The following DACH1 variants were observed in gnomAD, a reference collection of about 807,000 sequenced individuals.
The protein encoded by DACH1 is dachshund family transcription factor 1.
Under a neutral mutation model 54.2 loss-of-function variants are expected in DACH1, and 12 were observed. The ratio of observed to expected loss-of-function variants is 0.22; its 90% CI spans 0.14 to 0.36. DACH1 has a LOEUF of 0.36. Among genes scored for constraint, DACH1 ranks in the 10% least tolerant of loss-of-function variants. The pLI, the probability that DACH1 is intolerant of heterozygous loss-of-function variation, is 1.00. For missense variants in DACH1, 805 were observed against 929.8 expected (o/e 0.87, Z 1.75); for synonymous variants, 386 against 366.2 (o/e 1.05, Z -0.62).
chr13:71,602,387 C>T (rs1488266563), intron 3 of DACH1, among the ~76,000 whole-genome samples: 2 of 151,840 alleles, frequency 1.3e-5, no homozygotes, highest in Admixed American at 1.3e-4. Flanking sequence ...ATTTTAACTG[C>T]CTCCTTTTTT....
At chr13:71,442,688 TG>T (rs1439489366) in intron 10 of DACH1, among the ~76,000 whole-genome samples, 1 of 152,084 alleles carries the variant, frequency 6.6e-6, no homozygotes, top group African/African-American at 2.4e-5. Flanking sequence ...ATGTATACTA[TG>T]TTTTTTTTTG....
intron 1 of DACH1, among the ~76,000 whole-genome samples, chr13:71,778,069 G>A (rs575767094): frequency 4.6e-5 from 7 of 150,868 alleles, no homozygotes; most frequent in African/African-American, 1.7e-4. Flanking sequence ...TCCAGCTTAG[G>A]CGACAGAGTG....
At chr13:71,755,783 C>G (rs919423370) in intron 1 of DACH1, among the ~76,000 whole-genome samples, 2 of 152,152 alleles carry the variant, frequency 1.3e-5, no homozygotes, top group Non-Finnish European at 2.9e-5. Context: ...CTTGCCTACT[C>G]TCTTCCTTTC....
chr13:71,632,470 C>T (rs945405233), intron 2 of DACH1, among the ~76,000 whole-genome samples: 5 of 148,612 alleles, frequency 3.4e-5, no homozygotes, highest in Admixed American at 1.4e-4. Flanking sequence ...GACTACAGTG[C>T]TCCAGCCGTT....
At chr13:71,671,663 C>T (rs1012827121) in intron 2 of DACH1, among the ~76,000 whole-genome samples, 1 of 151,914 alleles carries the variant, frequency 6.6e-6, no homozygotes, top group African/African-American at 2.4e-5. Context: ...TGATGGTTAG[C>T]GAGGGAGAAT....
chr13:71,534,890 A>C (rs1471302972), intron 6 of DACH1, among the ~76,000 whole-genome samples: 1 of 151,784 alleles, frequency 6.6e-6, no homozygotes, highest in South Asian at 2.1e-4. Context: ...GTCCTTGTTT[A>C]TAAGAGCTAA....
At chr13:71,608,588 T>C (rs894684010) in intron 3 of DACH1, among the ~76,000 whole-genome samples, 3 of 152,102 alleles carry the variant, frequency 2.0e-5, no homozygotes, top group African/African-American at 7.2e-5. Flanking sequence ...TAACACATCA[T>C]ATTCTGAATG....
chr13:71,831,891 C>T (rs751313614), intron 1 of DACH1, among the ~76,000 whole-genome samples: 6 of 151,858 alleles, frequency 4.0e-5, no homozygotes, highest in Non-Finnish European at 5.9e-5. Context: ...TACAATAAAA[C>T]GACCATGCTC....
intron 3 of DACH1, among the ~76,000 whole-genome samples, chr13:71,587,077 C>A (rs1873337966): frequency 1.3e-5 from 2 of 152,076 alleles, no homozygotes; most frequent in African/African-American, 2.4e-5. Context: ...AATGTCATTT[C>A]TTTCCATAGT....
At chr13:71,577,874 G>A (rs770747649) in intron 3 of DACH1, among the ~76,000 whole-genome samples, 52 of 152,054 alleles carry the variant, frequency 3.4e-4, no homozygotes, top group Non-Finnish European at 6.5e-4. Flanking sequence ...GTGTACGCAC[G>A]GCACCAATTA....
chr13:71,708,585 A>T (rs1882556213), intron 1 of DACH1, among the ~76,000 whole-genome samples: 1 of 152,078 alleles, frequency 6.6e-6, no homozygotes, highest in African/African-American at 2.4e-5. Context: ...CCATTTATGA[A>T]ACTGAAGAAT....
chr13:71,602,575 C>A (rs1000930760), intron 3 of DACH1, among the ~76,000 whole-genome samples: 1 of 151,920 alleles, frequency 6.6e-6, no homozygotes, highest in African/African-American at 2.4e-5. Context: ...ACCATGAACC[C>A]AGCAACAAAA....
intron 6 of DACH1, among the ~76,000 whole-genome samples, chr13:71,500,700 G>A (rs548746921): frequency 9.2e-5 from 14 of 152,010 alleles, no homozygotes; most frequent in East Asian, 1.9e-4. Flanking sequence ...CAATTTAGAC[G>A]AAATACATGG....
At chr13:71,605,426 G>T (rs1874802919) in intron 3 of DACH1, among the ~76,000 whole-genome samples, 1 of 151,566 alleles carries the variant, frequency 6.6e-6, no homozygotes, top group Non-Finnish European at 1.5e-5. Context: ...TTCTATTTAT[G>T]AAATCACAAT....
chr13:71,817,475 T>C (rs1276636879), intron 1 of DACH1, among the ~76,000 whole-genome samples: 2 of 152,186 alleles, frequency 1.3e-5, no homozygotes, highest in Admixed American at 6.5e-5. Flanking sequence ...CTTCTCTAGG[T>C]GTTGGTAGTT....
At chr13:71,804,284 G>T (rs1018986612) in intron 1 of DACH1, among the ~76,000 whole-genome samples, 1 of 152,134 alleles carries the variant, frequency 6.6e-6, no homozygotes, top group African/African-American at 2.4e-5. Context: ...CTGGACTCCA[G>T]CCTCGGCAAC....
chr13:71,708,436 A>C (rs1194911627), intron 1 of DACH1, among the ~76,000 whole-genome samples: 1 of 152,170 alleles, frequency 6.6e-6, no homozygotes. Context: ...TCAAATACAG[A>C]TCTGGAGAAA....
Position 71,742,104 on chromosome 13 carries a change from G to A in DACH1, c.849-60194C>T, listed in dbSNP as rs575900837. On this transcript the variant is annotated intron_variant, in intron 1 of 10. Coordinates refer to ENST00000613252, the MANE Select transcript of DACH1 (RefSeq NM_080759.6). Reference sequence around the variant, plus strand: ...TCACAGAATCTGATAGGTTTATCAGGGGTTTCCGCTTTTGCTTCTTCCTCT... The same window carrying A: ...TCACAGAATCTGATAGGTTTATCAGAGGTTTCCGCTTTTGCTTCTTCCTCT... Among the ~76,000 whole-genome samples the A allele has an allele frequency of 5.9e-5, 9 of 152,204 alleles. No individual in the cohort carries two copies. In the East Asian group the frequency reaches 1.7e-3, roughly 29 times the overall value.
chr13:71,533,719 A>G (rs1473796783), intron 6 of DACH1, among the ~76,000 whole-genome samples: 1 of 151,034 alleles, frequency 6.6e-6, no homozygotes, highest in Non-Finnish European at 1.5e-5. Context: ...CTCTCTGTCT[A>G]TCTCTCTGTC....
Sources: gnomAD v4.1 joint callset for allele counts (sites outside exome capture counted in the v4.1 genomes callset) on GRCh38, gnomAD v4.1.1 for gene constraint, MANE v1.5 for transcripts, NCBI Gene and HGNC (gene_info 2026-07-23, HGNC 2026-07-21) for gene names.